MAGI2: variants seen among roughly 807,000 people sequenced by gnomAD.
MAGI2 encodes the protein membrane-associated guanylate kinase, WW and PDZ domain-containing protein 2.
MAGI2 carries 35 observed loss-of-function variants against 133.3 expected under a neutral mutation model. That is an observed-to-expected ratio of 0.26 (90% confidence interval 0.20 to 0.35). The LOEUF is 0.35. Ranked by LOEUF, MAGI2 falls within the 10% of genes least tolerant of loss-of-function variation. MAGI2 has a pLI of 1.00. For synonymous variants in MAGI2, 729 were observed against 710.6 expected, an observed-to-expected ratio of 1.03 and a Z score of -0.41; for missense variants, 1,636 against 1,863.4, an observed-to-expected ratio of 0.88 and a Z score of 2.25.
chr7:79,291,186 T>A (rs1202542726), intron 1 of MAGI2, among the ~76,000 whole-genome samples: 2 of 152,138 alleles, frequency 1.3e-5, no homozygotes. Flanking sequence ...GTCTTTTGTG[T>A]CTTTTTTTCA....
rs1300799261 is a variant in MAGI2, at chr7:79,126,436, T to A, written c.302-119230A>T. On this transcript the variant is annotated intron_variant, in intron 1 of 21. Coordinates refer to ENST00000354212, the MANE Select transcript of MAGI2 (RefSeq NM_012301.4). ...TGCTTGGTGTGAACAAGAGCTAAAG[T>A]TCTCTTACTCATTTACGCTAATGGA... 2.0e-5 allele frequency among the ~76,000 whole-genome samples: 3 copies of A among 152,218 alleles called. No individual in the cohort carries two copies. The East Asian group carries it at 5.8e-4, about 30-fold the overall frequency.
intron 3 of MAGI2, among the ~76,000 whole-genome samples, chr7:78,549,569 C>T (rs1307011542): frequency 6.6e-6 from 1 of 152,088 alleles, no homozygotes; most frequent in African/African-American, 2.4e-5. Context: ...CCATGGAGTG[C>T]TCTCTTCCTC....
At chr7:79,136,028 G>T (rs4639450) in intron 1 of MAGI2, among the ~76,000 whole-genome samples, 2 of 51,664 alleles carry the variant, frequency 3.9e-5, no homozygotes, top group East Asian at 6.1e-4. Flanking sequence ...AAAGAAAGAA[G>T]GAAAGAAAGA....
intron 1 of MAGI2, among the ~76,000 whole-genome samples, chr7:79,423,787 A>G (rs1847145178): frequency 6.6e-6 from 1 of 152,094 alleles, no homozygotes; most frequent in Admixed American, 6.6e-5. Flanking sequence ...ATGTAAAATC[A>G]TAAATATCCT....
chr7:79,444,750 A>G (rs1391473250), intron 1 of MAGI2, among the ~76,000 whole-genome samples: 2 of 152,216 alleles, frequency 1.3e-5, no homozygotes, highest in Admixed American at 6.5e-5. Flanking sequence ...AAGGTAATTT[A>G]TAGATTCAAT....
chr7:78,676,693 T>A (rs1300338203), intron 2 of MAGI2, among the ~76,000 whole-genome samples: 2 of 152,128 alleles, frequency 1.3e-5, no homozygotes, highest in East Asian at 3.8e-4. Context: ...TTATTATTTT[T>A]AAAAATAATC....
At chr7:78,613,756 T>C (rs557053516) in intron 3 of MAGI2, among the ~76,000 whole-genome samples, 205 of 152,280 alleles carry the variant, frequency 1.3e-3, no homozygotes, top group African/African-American at 3.6e-3. Flanking sequence ...GAGTTAAAAA[T>C]GTGACAATAT....
At chr7:78,728,240 A>AAACAAGAAG (rs1554545730) in intron 2 of MAGI2, among the ~76,000 whole-genome samples, 6 of 152,110 alleles carry the variant, frequency 3.9e-5, no homozygotes, top group African/African-American at 1.4e-4. Flanking sequence ...AATCGTAGAA[A>AAACAAGAAG]AATAAGAAGG....
intron 2 of MAGI2, among the ~76,000 whole-genome samples, chr7:78,649,973 G>C (rs940734555): frequency 6.6e-6 from 1 of 152,178 alleles, no homozygotes; most frequent in African/African-American, 2.4e-5. Context: ...TGAAGTTTCT[G>C]ATAAGCAGGC....
intron 1 of MAGI2, among the ~76,000 whole-genome samples, chr7:79,024,011 G>T (rs183352595): frequency 6.6e-6 from 1 of 152,106 alleles, no homozygotes; most frequent in African/African-American, 2.4e-5. Flanking sequence ...AACCAAAAAG[G>T]ATCTCCAATA....
At chr7:78,435,689 C>T (rs576314126) in intron 6 of MAGI2, among the ~76,000 whole-genome samples, 1 of 152,230 alleles carries the variant, frequency 6.6e-6, no homozygotes, top group South Asian at 2.1e-4. Context: ...GAGAAAGGCT[C>T]CTGTTTCAGC....
At chr7:78,293,316 CA>C (rs1419611574) in intron 9 of MAGI2, among the ~76,000 whole-genome samples, 1 of 152,118 alleles carries the variant, frequency 6.6e-6, no homozygotes, top group Non-Finnish European at 1.5e-5. Context: ...TTTATGCAGC[CA>C]ACAGACACGT....
intron 9 of MAGI2, among the ~76,000 whole-genome samples, chr7:78,286,479 G>T (rs1042252494): frequency 6.6e-6 from 1 of 152,104 alleles, no homozygotes. Flanking sequence ...ATTGATACGT[G>T]ACCTTTGTTT....
intron 1 of MAGI2, among the ~76,000 whole-genome samples, chr7:79,099,664 TC>T (rs1562888277): frequency 6.6e-6 from 1 of 152,060 alleles, no homozygotes; most frequent in Non-Finnish European, 1.5e-5. Context: ...TGTCTATTTT[TC>T]CCCTCTTTTT....
At position 79,298,402 on chromosome 7, in the gene MAGI2, A is replaced by T. The variant is rs528362669; in HGVS notation, c.301+154618T>A. On this transcript the variant is annotated intron_variant, in intron 1 of 21. Coordinates refer to ENST00000354212, the MANE Select transcript of MAGI2 (RefSeq NM_012301.4). The stretch of plus-strand genomic sequence containing the variant: ...TGCTATGAGAGTTCCTAACTTGGGG[A>T]GCTAAGTAAGTTCTTTTAGGAACAA... Among the ~76,000 whole-genome samples the T allele has an allele frequency of 2.0e-5, 3 of 152,218 alleles. No individual in the cohort carries two copies. In the East Asian group the frequency reaches 5.8e-4, roughly 29 times the overall value.
intron 2 of MAGI2, among the ~76,000 whole-genome samples, chr7:78,958,696 C>T (rs944140492): frequency 1.3e-5 from 2 of 152,030 alleles, no homozygotes; most frequent in African/African-American, 4.8e-5. Context: ...CTTCTCCATT[C>T]GTTGGTCAAT....
chr7:78,280,983 C>T (rs1390293302), intron 9 of MAGI2, among the ~76,000 whole-genome samples: 1 of 151,798 alleles, frequency 6.6e-6, no homozygotes, highest in Non-Finnish European at 1.5e-5. Context: ...CTTCCTTAAA[C>T]TGAATCAAAA....
intron 1 of MAGI2, among the ~76,000 whole-genome samples, chr7:79,030,982 A>G (rs1810514819): frequency 6.6e-6 from 1 of 152,152 alleles, no homozygotes; most frequent in Non-Finnish European, 1.5e-5. Context: ...ATCTCAATAA[A>G]TCACTGCCAT....
At chr7:79,238,517 G>T (rs778760937) in intron 1 of MAGI2, among the ~76,000 whole-genome samples, 1 of 152,052 alleles carries the variant, frequency 6.6e-6, no homozygotes, top group East Asian at 1.9e-4. Context: ...AAAGCATATC[G>T]TTTGGATAAA....
Sources: gnomAD v4.1 joint callset for allele counts (sites outside exome capture counted in the v4.1 genomes callset) on GRCh38, gnomAD v4.1.1 for gene constraint, MANE v1.5 for transcripts, NCBI Gene and HGNC (gene_info 2026-07-23, HGNC 2026-07-21) for gene names.